The following COL15A1 variants were observed in gnomAD, a reference collection of about 807,000 sequenced individuals.
The protein encoded by COL15A1 is collagen alpha-1(XV) chain.
In COL15A1, 111 loss-of-function variants were observed where a neutral mutation model predicts 165.9. The ratio of observed to expected loss-of-function variants is 0.67; its 90% CI spans 0.57 to 0.78. The LOEUF (loss-of-function observed/expected upper bound fraction) is 0.78, where lower values mean the gene tolerates loss of function less well. Among genes scored for constraint, COL15A1 ranks in the 30% least tolerant of loss-of-function variants. The pLI is 0.00. For synonymous variants in COL15A1, 659 were observed against 674.8 expected, an observed-to-expected ratio of 0.98 and a Z score of 0.36; for missense variants, 1,745 against 1,789.7, an observed-to-expected ratio of 0.98 and a Z score of 0.45.
intron 2 of COL15A1, among the ~76,000 whole-genome samples, chr9:98,975,540 G>A (rs1485292216): frequency 6.6e-6 from 1 of 152,230 alleles, no homozygotes; most frequent in East Asian, 1.9e-4. Flanking sequence ...ACCCTGCTCT[G>A]TTTGTTTCTT....
chr9:99,004,274 G>A (rs192967077), intron 8 of COL15A1, among the ~76,000 whole-genome samples: 164 of 152,258 alleles, frequency 1.1e-3, no homozygotes, highest in Non-Finnish European at 1.9e-3. Flanking sequence ...AAAGAGGCCG[G>A]GCTTGGGGGC....
intron 5 of COL15A1, 48 bp from the exon 6 acceptor site, chr9:98,996,886 C>T: frequency 6.2e-7 from 1 of 1,604,858 alleles, no homozygotes; most frequent in Non-Finnish European, 8.5e-7. Context: ...ATTTCTTCTG[C>T]TTTACTGCCA....
Position 99,023,355 on chromosome 9 carries a change from A to G in COL15A1, c.1762-2A>G, listed in dbSNP as rs908756134. On this transcript the variant is annotated splice_acceptor_variant, in intron 13 of 41. Coordinates refer to ENST00000375001, the MANE Select transcript of COL15A1 (RefSeq NM_001855.5). LOFTEE classifies it high-confidence loss of function. ...AGTAGTGGAAATTTCTTCTCTTTCC[A>G]GGCAGGAGCAGAAGCAGAGGGCTCT... The G allele has an allele frequency of 3.1e-6, 5 of 1,597,572 alleles. No homozygotes were observed. The African/African-American group carries it at 5.4e-5, about 17-fold the overall frequency.
At chr9:98,997,645 G>A (rs1588507811) in intron 6 of COL15A1, among the ~76,000 whole-genome samples, 1 of 152,132 alleles carries the variant, frequency 6.6e-6, no homozygotes, top group African/African-American at 2.4e-5. Context: ...GGCCAGAGAG[G>A]GGCCAGTTAC....
chr9:99,024,267 A>ATTT, intron 14 of COL15A1, among the ~76,000 whole-genome samples: 1 of 131,796 alleles, frequency 7.6e-6, no homozygotes, highest in African/African-American at 3.0e-5. Context: ...CACCACAAGC[A>ATTT]GTTTTTTTTG....
intron 13 of COL15A1, 132 bp downstream of exon 13, chr9:99,022,282 T>C (rs1839040926): frequency 1.3e-5 from 14 of 1,070,820 alleles, no homozygotes; most frequent in Non-Finnish European, 2.0e-5. Flanking sequence ...GCTTTCTGCC[T>C]CTACTAGGAC....
intron 14 of COL15A1, among the ~76,000 whole-genome samples, chr9:99,024,671 A>C (rs954874509): frequency 1.3e-5 from 2 of 152,208 alleles, no homozygotes; most frequent in African/African-American, 4.8e-5. Flanking sequence ...TTCAAATCCC[A>C]GTTCTGCTAC....
At position 99,015,992 on chromosome 9, in the gene COL15A1, A is replaced by G. The variant is rs1178433642; in HGVS notation, c.1520A>G (p.Glu507Gly). ...TGTTTTCAGGGTCCTGGTGATGAAG[A>G]AGACTTGGCAGCAGCCACAACAGAG... ...RAVTSGPGDE[E>G]DLAAATTEEP... Residue 507 changes from glutamate (E) to glycine (G), a missense_variant, in exon 11 of 42, where the codon GAA (glutamate) becomes GGA (glycine). Glu to Gly is a moderately conservative substitution (Grantham distance 98). Coordinates refer to ENST00000375001, the MANE Select transcript of COL15A1 (RefSeq NM_001855.5). The G allele has an allele frequency of 6.2e-7, 1 of 1,613,732 alleles. No individual in the cohort carries two copies. The highest frequency in any genetic ancestry group is 8.5e-7 in the Non-Finnish European group (1 of 1,179,856).
intron 11 of COL15A1, among the ~76,000 whole-genome samples, chr9:99,019,069 A>C (rs1039456712): frequency 2.6e-5 from 4 of 152,234 alleles, no homozygotes; most frequent in African/African-American, 9.6e-5. Flanking sequence ...CATTCCTGCT[A>C]AGTCCCCACG....
intron 2 of COL15A1, among the ~76,000 whole-genome samples, chr9:98,985,053 A>G (rs1385089669): frequency 6.6e-6 from 1 of 152,186 alleles, no homozygotes; most frequent in African/African-American, 2.4e-5. Context: ...GGGCCTCCCA[A>G]AATGCTGGGA....
intron 2 of COL15A1, among the ~76,000 whole-genome samples, chr9:98,977,475 C>G (rs931586681): frequency 6.6e-6 from 1 of 152,242 alleles, no homozygotes; most frequent in Non-Finnish European, 1.5e-5. Flanking sequence ...CCAGCAGGCC[C>G]AGGCGCAGCC....
At chr9:98,965,527 A>G (rs1219711070) in intron 2 of COL15A1, among the ~76,000 whole-genome samples, 4 of 151,866 alleles carry the variant, frequency 2.6e-5, no homozygotes, top group African/African-American at 9.7e-5. Flanking sequence ...CTAAGTCTGA[A>G]TCTCTCTGGA....
intron 9 of COL15A1, among the ~76,000 whole-genome samples, chr9:99,005,324 G>C (rs1838741267): frequency 6.6e-6 from 1 of 152,220 alleles, no homozygotes; most frequent in African/African-American, 2.4e-5. Flanking sequence ...TCCACCCACA[G>C]GGGGTGGGAG....
chr9:98,947,299 A>G (rs1564002138), intron 2 of COL15A1, among the ~76,000 whole-genome samples: 1 of 152,210 alleles, frequency 6.6e-6, no homozygotes, highest in Non-Finnish European at 1.5e-5. Flanking sequence ...GCCAGACATT[A>G]AAAAGCAATA....
At chr9:99,015,641 G>T in intron 10 of COL15A1, 75 bp downstream of exon 10, 1 of 1,431,960 alleles carries the variant, frequency 7.0e-7, no homozygotes, top group Non-Finnish European at 9.7e-7. Flanking sequence ...AGTCATCCTT[G>T]GCCTTGGCAG....
At chr9:98,970,847 T>C (rs1001244555) in intron 2 of COL15A1, among the ~76,000 whole-genome samples, 2 of 152,092 alleles carry the variant, frequency 1.3e-5, no homozygotes, top group African/African-American at 4.8e-5. Flanking sequence ...TGAGTCGGTG[T>C]ATACTGGAGT....
intron 16 of COL15A1, 53 bp from the exon 17 acceptor site, chr9:99,034,496 A>G (rs946275877): frequency 1.0e-5 from 16 of 1,557,142 alleles, no homozygotes; most frequent in Non-Finnish European, 8.6e-7. Flanking sequence ...TTCAGAACAC[A>G]CCTCATGACA....
At chr9:99,053,015 G>A (rs2117900152) in intron 31 of COL15A1, among the ~76,000 whole-genome samples, 1 of 152,288 alleles carries the variant, frequency 6.6e-6, no homozygotes, top group Non-Finnish European at 1.5e-5. Context: ...GGTGAGGTGA[G>A]TGCACAGCAA....
chr9:98,990,286 G>C (rs1008103549), intron 5 of COL15A1, among the ~76,000 whole-genome samples: 1 of 152,234 alleles, frequency 6.6e-6, no homozygotes, highest in Non-Finnish European at 1.5e-5. Context: ...GGGCCGGACT[G>C]GGGTAACAGC....
Sources: allele counts gnomAD v4.1 joint callset (sites outside exome capture counted in the v4.1 genomes callset), GRCh38; gene constraint gnomAD v4.1.1; transcripts MANE v1.5; gene names NCBI Gene and HGNC (gene_info 2026-07-23, HGNC 2026-07-21).